Variants in SET observed in about 807,000 individuals in gnomAD.
SET encodes the protein protein SET.
SET carries 4 observed loss-of-function variants against 39.0 expected under a neutral mutation model. The ratio of observed to expected loss-of-function variants is 0.10; its 90% CI spans 0.05 to 0.23. The LOEUF is 0.23. SET is among the 10% of genes least tolerant of loss of function. SET has a pLI of 1.00. For synonymous variants in SET, 114 were observed against 115.9 expected, an observed-to-expected ratio of 0.98 and a Z score of 0.11; for missense variants, 137 against 329.7, an observed-to-expected ratio of 0.42 and a Z score of 4.53.
chr9:128,689,970 CTT>C (rs1165386922), intron 1 of SET: 1 of 909,452 alleles, frequency 1.1e-6, no homozygotes, highest in Non-Finnish European at 1.3e-6. Context: ...AGAAGCCTCT[CTT>C]TATTGTGCTC....
At chr9:128,691,738 T>G (rs536670723) in intron 2 of SET, 120 bp from the exon 3 acceptor site, 1 of 942,046 alleles carries the variant, frequency 1.1e-6, no homozygotes, top group South Asian at 1.8e-5. Flanking sequence ...TGATAATGGT[T>G]ATTATAATTT....
In SET at chr9:128,693,915, A is replaced by AAGG; in HGVS notation, c.685_686insGAG (p.Glu228_Glu229insGly). ...TTTAAGGTTCCCGATATGGATGATG[A>AAGG]AGAAGGAGAAGGAGAAGAAGATGAT... On this transcript the variant is annotated inframe_insertion, in exon 7 of 8. Transcript: ENST00000322030. The AAGG allele has an allele frequency of 6.3e-7, 1 of 1,593,864 alleles. No homozygotes were observed. The highest frequency in any genetic ancestry group is 8.6e-7 in the Non-Finnish European group (1 of 1,164,910).
chr9:128,694,592 C>T, intron 7 of SET, 49 bp from the exon 8 acceptor site: 1 of 1,400,514 alleles, frequency 7.1e-7, no homozygotes, highest in Non-Finnish European at 9.9e-7. Flanking sequence ...CATATGAAAG[C>T]AAGTCTCAGC....
intron 5 of SET, 41 bp from the exon 6 acceptor site, chr9:128,693,597 A>G (rs1164590825): frequency 2.6e-6 from 4 of 1,547,426 alleles, no homozygotes; most frequent in Non-Finnish European, 3.5e-6. Flanking sequence ...TTTGGGTGTT[A>G]TGGAGAGATT....
upstream of SET, chr9:128,685,321 C>T (rs1353172511): frequency 2.3e-6 from 2 of 878,442 alleles, no homozygotes; most frequent in African/African-American, 3.3e-5. Flanking sequence ...GAGCACTAGA[C>T]AGCGCCTAGC....
Position 128,689,616 on chromosome 9 carries a change from G to A in SET, c.34G>A (p.Glu12Lys). The A allele has an allele frequency of 7.3e-7, 1 of 1,379,238 alleles. No individual in the cohort carries two copies. Among genetic ancestry groups the A allele is most frequent in the Non-Finnish European group, 9.6e-7 (1 of 1,046,938 alleles). 85.4% of individuals were successfully genotyped at this position (1,379,238 alleles called of 1,614,324 possible). Reference protein sequence around the residue: ...SAPAAKVSKKELNSNHDGADE... With the variant: ...SAPAAKVSKKKLNSNHDGADE... ...GCCGGCGGCCAAAGTCAGTAAAAAG[G>A]AGCTCAACTCCAACCACGACGGGGC... Residue 12 changes from glutamate (E) to lysine (K), a missense_variant, in exon 1 of 8, where the codon GAG (glutamate) becomes AAG (lysine). Transcript: ENST00000322030.
Position 128,689,465 on chromosome 9 carries a change from A to C in SET, c.-118A>C. 1.7e-6 allele frequency: 1 copy of C among 602,082 alleles called. No individual in the cohort carries two copies. Among genetic ancestry groups the C allele is most frequent in the South Asian group, 6.4e-5 (1 of 15,606 alleles). 37.3% of individuals were successfully genotyped at this position (602,082 alleles called of 1,614,324 possible). A position where few individuals can be genotyped will look rare whatever the true frequency, so the allele number is the denominator to read the frequency against. On this transcript the variant is annotated 5_prime_UTR_variant, in exon 1 of 8. Transcript: ENST00000322030. ...GGGAGAGCGAGCGAGCGCCGGGAGG[A>C]GGCGGCCGGACCGAGCGGGCGCCCG...
chr9:128,691,236 TTTC>T lies in SET; in HGVS notation c.131+12_131+14del. Reference sequence around the variant, plus strand: ...CAAAATGAAATAGACAGGTAACATTTTTCTTAATATACTTCGGAGAAATTTTCT... The same window carrying T: ...CAAAATGAAATAGACAGGTAACATTTTTAATATACTTCGGAGAAATTTTCT... On this transcript the variant is annotated intron_variant, in intron 2 of 7. Transcript: ENST00000322030. 6.4e-7 allele frequency: 1 copy of T among 1,560,160 alleles called. No homozygotes were observed. The highest frequency in any genetic ancestry group is 8.8e-7 in the Non-Finnish European group (1 of 1,139,276).
chr9:128,689,858 C>CG (rs746960059), intron 1 of SET: 147,402 of 147,466 alleles, frequency 1, 73,669 homozygotes, highest in Middle Eastern at 1. Flanking sequence ...CCGCGGCGGC[C>CG]GCGCTGCGAG....
chr9:128,689,989 G>A (rs1861460398), intron 1 of SET: 2 of 1,025,204 alleles, frequency 2.0e-6, no homozygotes, highest in Admixed American at 4.7e-5. Context: ...GCTCCGCCAT[G>A]ATGCCTCGCT....
intron 6 of SET, 36 bp from the exon 7 acceptor site, chr9:128,693,860 A>G: frequency 6.2e-7 from 1 of 1,603,890 alleles, no homozygotes; most frequent in Non-Finnish European, 8.5e-7. Context: ...GGTTGTTTAA[A>G]AATGAGTCCT....
intron 2 of SET, among the ~76,000 whole-genome samples, chr9:128,691,627 C>A (rs564308646): frequency 1.1e-4 from 16 of 152,222 alleles, no homozygotes; most frequent in Non-Finnish European, 2.1e-4. Context: ...ACACACGTTA[C>A]CAGAGTGTTG....
rs767244191 is a variant in SET at position 128,689,642 on chromosome 9, C to T, written c.60C>T (p.Ala20=). Residue 20 remains alanine, a synonymous_variant, in exon 1 of 8, where the codon GCC becomes GCT. Coordinates refer to ENST00000322030, the MANE Select transcript of SET (RefSeq NM_003011.4). The part of the protein sequence containing the change: ...KKELNSNHDG[A]DETSEKEQQE... ...AGCTCAACTCCAACCACGACGGGGCCGACGAGACCTCAGGTGAGAGCAGCG... is the reference window on the plus strand; with the variant it reads ...AGCTCAACTCCAACCACGACGGGGCTGACGAGACCTCAGGTGAGAGCAGCG... 9 of 1,312,812 alleles carry T rather than the reference C, an allele frequency of 6.9e-6. No homozygotes were observed. The highest frequency in any genetic ancestry group is 2.4e-5 in the Admixed American group (1 of 41,506). The allele number at this position is 1,312,812 out of a possible 1,614,324, so 81.3% of individuals were successfully genotyped here. A position where few individuals can be genotyped will look rare whatever the true frequency, so the allele number is the denominator to read the frequency against.
chr9:128,692,034 A>G (rs1348158445), intron 3 of SET, 34 bp downstream of exon 3: 3 of 1,606,554 alleles, frequency 1.9e-6, no homozygotes, highest in Non-Finnish European at 2.6e-6. Flanking sequence ...TAAAGGATAA[A>G]CAGTGTTTGT....
In SET at chr9:128,691,954, C is replaced by T; in HGVS notation, c.228C>T (p.Ala76=). 2.5e-6 allele frequency: 4 copies of T among 1,613,792 alleles called. No homozygotes were observed. The highest frequency in any genetic ancestry group is 3.4e-6 in the Non-Finnish European group (4 of 1,179,862). ...PFFQKRSELI[A]KIPNFWVTTF... ...TTCAGAAGAGGTCAGAATTGATCGC[C>T]AAAATCCCAAATTTTTGGGTAACAA... The change falls in exon 3 of 8, where the codon GCC becomes GCT. Residue 76 remains alanine, a synonymous_variant. Transcript: ENST00000322030.
chr9:128,694,567 G>A (rs975700268), intron 7 of SET, 74 bp from the exon 8 acceptor site: 17 of 981,946 alleles, frequency 1.7e-5, no homozygotes, highest in Admixed American at 1.0e-4. Context: ...GGCACTCGTG[G>A]GGTCCATTGT....
At chr9:128,691,008 A>G in intron 1 of SET, 162 bp from the exon 2 acceptor site, 2 of 707,476 alleles carry the variant, frequency 2.8e-6, no homozygotes, top group Non-Finnish European at 5.1e-6. Context: ...TTAATTAATT[A>G]AAAAGAAATT....
intron 3 of SET, 127 bp from the exon 4 acceptor site, chr9:128,692,535 T>A: frequency 1.6e-6 from 1 of 642,334 alleles, no homozygotes; most frequent in South Asian, 1.9e-5. Flanking sequence ...CAATTGCCTT[T>A]AGTTAATAAT....
chr9:128,686,941 C>T (rs771216344), upstream of SET, among the ~76,000 whole-genome samples: 5 of 152,068 alleles, frequency 3.3e-5, no homozygotes, highest in Admixed American at 1.3e-4. Context: ...TGGTTCTGGG[C>T]GACAGAGAGA....
Sources: allele counts gnomAD v4.1 joint callset (sites outside exome capture counted in the v4.1 genomes callset), GRCh38; gene constraint gnomAD v4.1.1; transcripts MANE v1.5; gene names NCBI Gene and HGNC (gene_info 2026-07-23, HGNC 2026-07-21).